Variants in AKAP19 observed in about 807,000 individuals in gnomAD.
The protein encoded by AKAP19 is small A-kinase anchoring protein.
the AKAP19 span, among the ~76,000 whole-genome samples, chr2:190,110,258 G>C: frequency 6.6e-6 from 1 of 152,190 alleles, no homozygotes; most frequent in Non-Finnish European, 1.5e-5. Flanking sequence ...GCAGTAAGTT[G>C]AAAACTACCT....
At chr2:189,880,559 TAGTC>T in the AKAP19 span, among the ~76,000 whole-genome samples, 18 of 152,308 alleles carry the variant, frequency 1.2e-4, no homozygotes, top group South Asian at 2.1e-4. Context: ...GGTAAAGGAA[TAGTC>T]AGTGTATTGT....
the AKAP19 span, among the ~76,000 whole-genome samples, chr2:189,948,503 A>G: frequency 1.6e-4 from 24 of 152,188 alleles, no homozygotes; most frequent in Non-Finnish European, 3.1e-4. Flanking sequence ...GCTCCCCTGC[A>G]TTACCCACTG....
At chr2:190,110,135 C>T in the AKAP19 span, among the ~76,000 whole-genome samples, 8 of 150,750 alleles carry the variant, frequency 5.3e-5, no homozygotes, top group Admixed American at 1.3e-4. Flanking sequence ...GAGAAAATCA[C>T]GACAAAATGT....
the AKAP19 span, among the ~76,000 whole-genome samples, chr2:190,077,267 T>C: frequency 6.6e-6 from 1 of 151,762 alleles, no homozygotes; most frequent in Admixed American, 6.6e-5. Flanking sequence ...TGGAGTGCAG[T>C]AGCATGATCT....
At chr2:189,914,050 GT>G in the AKAP19 span, among the ~76,000 whole-genome samples, 1 of 152,034 alleles carries the variant, frequency 6.6e-6, no homozygotes, top group Non-Finnish European at 1.5e-5. Flanking sequence ...TAGAACAGCT[GT>G]GTCTTTTATT....
At chr2:189,929,360 T>C in the AKAP19 span, among the ~76,000 whole-genome samples, 1 of 152,200 alleles carries the variant, frequency 6.6e-6, no homozygotes, top group African/African-American at 2.4e-5. Flanking sequence ...CTATTTCTCA[T>C]GAGGTCTCAC....
At chr2:190,117,093 A>G in the AKAP19 span, among the ~76,000 whole-genome samples, 1 of 152,216 alleles carries the variant, frequency 6.6e-6, no homozygotes, top group East Asian at 1.9e-4. Flanking sequence ...AGTGGCTAAT[A>G]CAGATCTTTT....
At chr2:190,066,427 A>G in the AKAP19 span, among the ~76,000 whole-genome samples, 1 of 152,198 alleles carries the variant, frequency 6.6e-6, no homozygotes, top group Non-Finnish European at 1.5e-5. Flanking sequence ...GAGATTAGGA[A>G]TTAGCACAAG....
chr2:190,172,153 G>A, the AKAP19 span, among the ~76,000 whole-genome samples: 2 of 152,070 alleles, frequency 1.3e-5, no homozygotes, highest in African/African-American at 4.8e-5. Context: ...CTTTGGCATA[G>A]GCTATATGCA....
chr2:189,967,587 C>G, the AKAP19 span, among the ~76,000 whole-genome samples: 1 of 151,956 alleles, frequency 6.6e-6, no homozygotes, highest in African/African-American at 2.4e-5. Context: ...GAGAATGTCA[C>G]CAAAAGAAAT....
chr2:190,137,465 ATAAAT>A, the AKAP19 span, among the ~76,000 whole-genome samples: 1 of 152,226 alleles, frequency 6.6e-6, no homozygotes, highest in Non-Finnish European at 1.5e-5. Context: ...TCAGCCTGAA[ATAAAT>A]TAAGAACAAA....
chr2:189,959,984 G>A, the AKAP19 span, among the ~76,000 whole-genome samples: 1 of 151,830 alleles, frequency 6.6e-6, no homozygotes, highest in Non-Finnish European at 1.5e-5. Context: ...TTTGTATAGG[G>A]AAACACCAGT....
chr2:190,148,254 T>C, the AKAP19 span, among the ~76,000 whole-genome samples: 1 of 152,244 alleles, frequency 6.6e-6, no homozygotes, highest in Non-Finnish European at 1.5e-5. Context: ...TCTGCATCTA[T>C]TGAGATGATC....
At chr2:189,965,970 G>T in the AKAP19 span, among the ~76,000 whole-genome samples, 1 of 151,922 alleles carries the variant, frequency 6.6e-6, no homozygotes, top group African/African-American at 2.4e-5. Flanking sequence ...GTGTGTGTGT[G>T]TATGTGTATA....
At chr2:189,949,631 CTTTTTTTTTT>C in the AKAP19 span, among the ~76,000 whole-genome samples, 1 of 117,776 alleles carries the variant, frequency 8.5e-6, no homozygotes. Context: ...CTTTTTCTTT[CTTTTTTTTTT>C]TTTTTTTTTT....
At chr2:189,885,266 T>C in the AKAP19 span, among the ~76,000 whole-genome samples, 1 of 152,192 alleles carries the variant, frequency 6.6e-6, no homozygotes, top group Admixed American at 6.5e-5. Context: ...CTTGCAGCCT[T>C]CCTGGCTATC....
At chr2:190,057,450 C>T in the AKAP19 span, 22 of 1,613,446 alleles carry the variant, frequency 1.4e-5, no homozygotes, top group Non-Finnish European at 1.8e-5. Flanking sequence ...CAAATTCACA[C>T]TCTCCAGAGC....
the AKAP19 span, among the ~76,000 whole-genome samples, chr2:190,108,452 G>A: frequency 6.6e-6 from 1 of 152,140 alleles, no homozygotes; most frequent in African/African-American, 2.4e-5. Flanking sequence ...CACTATGCCC[G>A]GCCCAAAATT....
chr2:190,085,650 T>C, the AKAP19 span, among the ~76,000 whole-genome samples: 6 of 152,212 alleles, frequency 3.9e-5, no homozygotes, highest in African/African-American at 9.6e-5. Flanking sequence ...ACTTATCACA[T>C]AGTATGAGCA....
Sources: allele counts gnomAD v4.1 joint callset (sites outside exome capture counted in the v4.1 genomes callset), GRCh38; gene constraint gnomAD v4.1.1; transcripts MANE v1.5; gene names NCBI Gene and HGNC (gene_info 2026-07-23, HGNC 2026-07-21).